The following JHY variants were observed in gnomAD, a reference collection of about 807,000 sequenced individuals.
JHY encodes jhy protein homolog.
Under a neutral mutation model 78.0 loss-of-function variants are expected in JHY, and 69 were observed. That is an observed-to-expected ratio of 0.88 (90% CI 0.73 to 1.08). The LOEUF (loss-of-function observed/expected upper bound fraction) is 1.08, where lower values mean the gene tolerates loss of function less well. JHY is among the 50% of genes least tolerant of loss of function. JHY has a pLI of 0.00. For missense variants in JHY, 944 were observed against 927.8 expected (o/e 1.02, Z -0.23); for synonymous variants, 368 against 342.6 (o/e 1.07, Z -0.82).
chr11:122,960,916 A>C lies in JHY; in HGVS notation c.*1471A>C. On this transcript the variant is annotated 3_prime_UTR_variant, in exon 9 of 9. Coordinates refer to ENST00000227349, the MANE Select transcript of JHY (RefSeq NM_024806.4). ...CATAGAGTGTATAAGGAAGTAAAGAATCGCCTGGACTATCATATATCTGTG... is the reference window on the plus strand; with the variant it reads ...CATAGAGTGTATAAGGAAGTAAAGACTCGCCTGGACTATCATATATCTGTG... 2.8e-6 allele frequency: 2 copies of C among 706,166 alleles called. No individual in the cohort carries two copies. The allele number at this position is 706,166 out of a possible 1,614,324, so 43.7% of individuals were successfully genotyped here.
chr11:122,904,462 T>C lies in JHY; in HGVS notation c.864+18T>C, dbSNP rs773511748. 31 of 1,585,482 alleles carry C rather than the reference T, an allele frequency of 2.0e-5. No individual in the cohort carries two copies. The South Asian group carries it at 3.4e-4, about 18-fold the overall frequency. On this transcript the variant is annotated intron_variant, in intron 3 of 8. Transcript: ENST00000227349. ...CAGAACAGGTACGTAGTGGCTACTT[T>C]AAAATGTCTTCTGAAACATTAAACC...
intron 2 of JHY, among the ~76,000 whole-genome samples, chr11:122,889,245 C>T (rs971289664): frequency 6.6e-6 from 1 of 152,176 alleles, no homozygotes; most frequent in Non-Finnish European, 1.5e-5. Flanking sequence ...ATTTAGACAT[C>T]CTCTTTGGCA....
At chr11:122,932,282 A>G (rs1863652344) in intron 4 of JHY, among the ~76,000 whole-genome samples, 1 of 152,188 alleles carries the variant, frequency 6.6e-6, no homozygotes, top group African/African-American at 2.4e-5. Flanking sequence ...TGGGGACTGA[A>G]ATGCCATCTC....
chr11:122,953,527 G>T (rs1453106634), intron 6 of JHY, among the ~76,000 whole-genome samples: 1 of 151,564 alleles, frequency 6.6e-6, no homozygotes, highest in Non-Finnish European at 1.5e-5. Context: ...ACTTGAAACT[G>T]GGAGGTGGAG....
At chr11:122,919,470 A>G (rs1208876064) in intron 3 of JHY, among the ~76,000 whole-genome samples, 1 of 152,052 alleles carries the variant, frequency 6.6e-6, no homozygotes, top group Non-Finnish European at 1.5e-5. Flanking sequence ...CCCCTGGCGC[A>G]TCAGCGAAAC....
intron 3 of JHY, among the ~76,000 whole-genome samples, chr11:122,908,823 A>G (rs1046280692): frequency 6.6e-6 from 1 of 152,118 alleles, no homozygotes; most frequent in Non-Finnish European, 1.5e-5. Flanking sequence ...CTCAGCCTCC[A>G]GAGCAGCTGG....
intron 2 of JHY, among the ~76,000 whole-genome samples, chr11:122,900,040 G>C (rs1229442344): frequency 6.6e-6 from 1 of 152,200 alleles, no homozygotes; most frequent in African/African-American, 2.4e-5. Context: ...AAGCCCCAGA[G>C]GCAGGTGACC....
At position 122,904,102 on chromosome 11, in the gene JHY, C is replaced by G. The variant is rs757900216; in HGVS notation, c.522C>G (p.Ser174=). The change falls in exon 3 of 9, where the codon TCC becomes TCG. Residue 174 remains serine (S), a synonymous_variant. Transcript: ENST00000227349. The part of the protein sequence containing the change: ...YPSQETSMEL[S]GGKGEQKESP... ...CCCAGGAGACGTCAATGGAACTCTC[C>G]GGGGGAAAAGGCGAGCAGAAAGAGA... 2 of 1,614,084 alleles carry G rather than the reference C, an allele frequency of 1.2e-6. No homozygotes were observed. Among genetic ancestry groups the G allele is most frequent in the South Asian group, 1.1e-5 (1 of 91,074 alleles).
Position 122,886,087 on chromosome 11 carries a change from C to T in JHY, c.238C>T (p.Pro80Ser). 1.2e-6 allele frequency: 2 copies of T among 1,614,060 alleles called. No individual in the cohort carries two copies. Among genetic ancestry groups the T allele is most frequent in the Non-Finnish European group, 1.7e-6 (2 of 1,180,040 alleles). Residue 80 changes from proline (P) to serine (S), a missense_variant, in exon 2 of 9, where the codon CCT (proline) becomes TCT (serine). By Grantham distance (74) the Pro-to-Ser change is moderately conservative (BLOSUM62 -1). Transcript: ENST00000227349. ...EPDSLDEEES[P>S]RWGSLHEMEE... ...CGACAGCTTAGACGAGGAGGAAAGC[C>T]CTCGATGGGGAAGCCTGCACGAGAT...
Position 122,904,069 on chromosome 11 carries a change from C to CTA in JHY, c.490_491dup (p.Pro165ThrfsTer33). ...TAGAAAATCTGCCTTTGGCTCCCCTCTACCCTTCCCAGGAGACGTCAATGG... is the reference window on the plus strand; with the variant it reads ...TAGAAAATCTGCCTTTGGCTCCCCTCTATACCCTTCCCAGGAGACGTCAATGG... On this transcript the variant is annotated frameshift_variant, in exon 3 of 9. Transcript: ENST00000227349. LOFTEE classifies it high-confidence loss of function. The CTA allele has an allele frequency of 6.2e-7, 1 of 1,614,182 alleles. No homozygotes were observed. Among genetic ancestry groups the CTA allele is most frequent in the Non-Finnish European group, 8.5e-7 (1 of 1,180,034 alleles).
intron 3 of JHY, among the ~76,000 whole-genome samples, chr11:122,910,482 A>C (rs1863092149): frequency 6.6e-6 from 1 of 151,632 alleles, no homozygotes; most frequent in African/African-American, 2.4e-5. Context: ...AAAAAAAAAA[A>C]CCAAAAAACA....
At chr11:122,944,588 C>T (rs1057167114) in intron 5 of JHY, among the ~76,000 whole-genome samples, 3 of 152,072 alleles carry the variant, frequency 2.0e-5, no homozygotes, top group Non-Finnish European at 4.4e-5. Context: ...TTATTGTTGT[C>T]TAGAGTTAAT....
At chr11:122,921,030 G>A (rs1863352376) in intron 3 of JHY, among the ~76,000 whole-genome samples, 1 of 144,478 alleles carries the variant, frequency 6.9e-6, no homozygotes, top group South Asian at 2.3e-4. Flanking sequence ...TAATAGAATG[G>A]TTCACAAAAA....
intron 3 of JHY, among the ~76,000 whole-genome samples, chr11:122,922,414 T>C (rs922132192): frequency 4.6e-5 from 7 of 152,196 alleles, no homozygotes; most frequent in Non-Finnish European, 8.8e-5. Context: ...CATTGAGTGG[T>C]CAGGAATGAG....
intron 2 of JHY, among the ~76,000 whole-genome samples, chr11:122,889,936 G>A (rs1029586193): frequency 1.3e-5 from 2 of 151,990 alleles, no homozygotes; most frequent in Non-Finnish European, 2.9e-5. Context: ...TAGTAGAGAT[G>A]GGGTCTTACC....
chr11:122,905,910 A>T (rs1450622927), intron 3 of JHY: 1 of 152,034 alleles, frequency 6.6e-6, no homozygotes, highest in African/African-American at 2.4e-5. Flanking sequence ...GTCTGGTGAA[A>T]TTTGGGCCTA....
At chr11:122,886,994 T>C (rs1445388069) in intron 2 of JHY, among the ~76,000 whole-genome samples, 1 of 152,178 alleles carries the variant, frequency 6.6e-6, no homozygotes, top group East Asian at 1.9e-4. Context: ...TAAGGGAATA[T>C]GAAATAATGT....
intron 2 of JHY, among the ~76,000 whole-genome samples, chr11:122,899,463 A>C (rs1321931015): frequency 6.6e-6 from 1 of 152,242 alleles, no homozygotes; most frequent in Admixed American, 6.5e-5. Flanking sequence ...TAATGCAAGA[A>C]GCCTTTACAT....
rs145485377 is a variant in JHY at position 122,934,811 on chromosome 11, C to G, written c.1370C>G (p.Ser457Cys). The G allele has an allele frequency of 3.7e-6, 6 of 1,614,058 alleles. No homozygotes were observed. The African/African-American group carries it at 8.0e-5, about 22-fold the overall frequency. ...QAFDKVLSKN[S>C]TGCDSGLNVN... Reference sequence around the variant, plus strand: ...TTTGACAAGGTCTTATCTAAAAACTCTACTGGATGTGACTCTGGGCTGAAT... The same window carrying G: ...TTTGACAAGGTCTTATCTAAAAACTGTACTGGATGTGACTCTGGGCTGAAT... The change falls in exon 5 of 9, where the codon TCT becomes TGT. Residue 457 changes from serine to cysteine, a missense_variant. By Grantham distance (112) the Ser-to-Cys change is moderately radical. Coordinates refer to ENST00000227349, the MANE Select transcript of JHY (RefSeq NM_024806.4).
Sources: gnomAD v4.1 joint callset for allele counts (sites outside exome capture counted in the v4.1 genomes callset) on GRCh38, gnomAD v4.1.1 for gene constraint, MANE v1.5 for transcripts, NCBI Gene and HGNC (gene_info 2026-07-23, HGNC 2026-07-21) for gene names.